The following FKBP15 variants were observed in gnomAD, a reference collection of about 807,000 sequenced individuals.
FKBP15 encodes the protein FK506-binding protein 15.
FKBP15 carries 106 observed loss-of-function variants against 158.1 expected under a neutral mutation model. That is an observed-to-expected ratio of 0.67 (90% CI 0.57 to 0.79). FKBP15 has a LOEUF of 0.79. Among genes scored for constraint, FKBP15 ranks in the 30% least tolerant of loss-of-function variants. The probability of loss-of-function intolerance (pLI) is 0.00; values close to 1 mark genes in which losing one functional copy is unlikely to be tolerated. For synonymous variants in FKBP15, 547 were observed against 548.6 expected, an observed-to-expected ratio of 1.00 and a Z score of 0.04; for missense variants, 1,287 against 1,479.1, an observed-to-expected ratio of 0.87 and a Z score of 2.13.
At chr9:113,197,521 T>C (rs1367671406) in intron 8 of FKBP15, among the ~76,000 whole-genome samples, 1 of 151,980 alleles carries the variant, frequency 6.6e-6, no homozygotes, top group East Asian at 1.9e-4. Flanking sequence ...TACAAAAAAT[T>C]AGCCAGATGT....
chr9:113,170,372 T>A (rs1484468340), intron 25 of FKBP15, 150 bp downstream of exon 25: 1 of 640,070 alleles, frequency 1.6e-6, no homozygotes, highest in Non-Finnish European at 2.8e-6. Context: ...CCTCAAGCAG[T>A]CCTCCCACCT....
chr9:113,177,432 T>C (rs1830319079), intron 20 of FKBP15, among the ~76,000 whole-genome samples: 1 of 152,218 alleles, frequency 6.6e-6, no homozygotes, highest in South Asian at 2.1e-4. Flanking sequence ...TTGAACAACA[T>C]TCAAATCTAA....
chr9:113,169,466 C>T lies in FKBP15; in HGVS notation c.3243G>A (p.Arg1081=). ...GTAGTGGGCCATCTGGTGCTACTTC[C>T]CTGACACAGACCTTTCCTGATGGGT... The part of the protein sequence containing the change: ...PDNPSGKVCV[R]EVAPDGPLQE... Residue 1081 remains arginine (R), a synonymous_variant, in exon 26 of 28, where the codon AGG becomes AGA. Coordinates refer to ENST00000238256, the MANE Select transcript of FKBP15 (RefSeq NM_015258.2). 1 of 1,614,068 alleles carries T rather than the reference C, an allele frequency of 6.2e-7. No individual in the cohort carries two copies. The highest frequency in any genetic ancestry group is 1.1e-5 in the South Asian group (1 of 91,092).
chr9:113,203,942 C>T (rs1355789975), intron 4 of FKBP15, among the ~76,000 whole-genome samples: 1 of 152,158 alleles, frequency 6.6e-6, no homozygotes, highest in Non-Finnish European at 1.5e-5. Flanking sequence ...TGTTCCAGGA[C>T]TTTATTCTCT....
chr9:113,206,676 C>A, intron 3 of FKBP15, 98 bp from the exon 4 acceptor site: 1 of 598,844 alleles, frequency 1.7e-6, no homozygotes, highest in South Asian at 1.9e-5. Context: ...AACAGTCATT[C>A]AGCCTCTAGG....
At chr9:113,218,497 A>G (rs1487297238) in intron 1 of FKBP15, among the ~76,000 whole-genome samples, 1 of 151,500 alleles carries the variant, frequency 6.6e-6, no homozygotes, top group Non-Finnish European at 1.5e-5. Context: ...ATGTCTATGT[A>G]TTTCTTAGAA....
intron 1 of FKBP15, among the ~76,000 whole-genome samples, chr9:113,215,609 T>C (rs1831106161): frequency 9.1e-6 from 1 of 109,412 alleles, no homozygotes; most frequent in Non-Finnish European, 1.8e-5. Context: ...TGTGTGCGTG[T>C]GTGTGTGTGT....
At chr9:113,182,914 T>C in intron 18 of FKBP15, 46 bp from the exon 19 acceptor site, 1 of 1,497,234 alleles carries the variant, frequency 6.7e-7, no homozygotes, top group Non-Finnish European at 9.3e-7. Context: ...AAGCACTGAG[T>C]GTATGGCAGG....
chr9:113,182,947 C>T, intron 18 of FKBP15, 79 bp from the exon 19 acceptor site: 2 of 1,130,268 alleles, frequency 1.8e-6, no homozygotes, highest in South Asian at 2.5e-5. Context: ...CCCATTCTGT[C>T]CTCACAACAT....
At chr9:113,182,915 G>T in intron 18 of FKBP15, 47 bp from the exon 19 acceptor site, 1 of 1,485,770 alleles carries the variant, frequency 6.7e-7, no homozygotes, top group Non-Finnish European at 9.4e-7. Context: ...AGCACTGAGT[G>T]TATGGCAGGC....
intron 2 of FKBP15, among the ~76,000 whole-genome samples, chr9:113,210,734 G>C (rs796402478): frequency 2.6e-5 from 4 of 151,842 alleles, no homozygotes; most frequent in African/African-American, 7.3e-5. Flanking sequence ...CCTCAATCTT[G>C]TTGGGCACTA....
Position 113,169,787 on chromosome 9 carries a change from C to T in FKBP15, c.2922G>A (p.Arg974=), listed in dbSNP as rs1472105118. 3 of 1,593,980 alleles carry T rather than the reference C, an allele frequency of 1.9e-6. No individual in the cohort carries two copies. The highest frequency in any genetic ancestry group is 2.3e-5 in the East Asian group (1 of 44,078). Residue 974 remains arginine, a synonymous_variant, in exon 26 of 28, where the codon AGG becomes AGA. Coordinates refer to ENST00000238256, the MANE Select transcript of FKBP15 (RefSeq NM_015258.2). ...SSGQPQAPLN[R]ERPESPMVPS... The stretch of plus-strand genomic sequence containing the variant: ...GCACCATGGGGGACTCTGGCCTCTC[C>T]CTATTCAGGGGTGCTTGAGGCTGCC...
At position 113,171,746 on chromosome 9, in the gene FKBP15, A is replaced by T. The variant is rs113715230; in HGVS notation, c.2533-40T>A. The stretch of plus-strand genomic sequence containing the variant: ...GACTGTGGCTGTGGCCTCAGGAACC[A>T]GGTGAAGGTCAGAAAACCCAAGGGG... On this transcript the variant is annotated intron_variant, in intron 23 of 27. Transcript: ENST00000238256. The T allele has an allele frequency of 8.4e-6, 9 of 1,070,738 alleles. No individual in the cohort carries two copies. The Admixed American group carries it at 1.3e-4, about 16-fold the overall frequency. The allele number at this position is 1,070,738 out of a possible 1,614,324, so 66.3% of individuals were successfully genotyped here. A position where few individuals can be genotyped will look rare whatever the true frequency, so the allele number is the denominator to read the frequency against.
intron 15 of FKBP15, among the ~76,000 whole-genome samples, chr9:113,185,129 A>G (rs1377003299): frequency 6.6e-6 from 1 of 152,248 alleles, no homozygotes; most frequent in Non-Finnish European, 1.5e-5. Flanking sequence ...TATGCCAAGC[A>G]TTGTACCAGG....
intron 21 of FKBP15, among the ~76,000 whole-genome samples, chr9:113,175,996 T>G (rs1830293375): frequency 6.6e-6 from 1 of 152,214 alleles, no homozygotes; most frequent in African/African-American, 2.4e-5. Context: ...ATCCCATGAT[T>G]CTTACTCATG....
At chr9:113,194,966 T>C (rs966687744) in intron 9 of FKBP15, among the ~76,000 whole-genome samples, 7 of 152,238 alleles carry the variant, frequency 4.6e-5, no homozygotes, top group African/African-American at 1.7e-4. Flanking sequence ...TATTTTTGTA[T>C]ATAATCTTAA....
In FKBP15 at chr9:113,184,398, A is replaced by G; in HGVS notation, c.1610T>C (p.Val537Ala). 6.3e-7 allele frequency: 1 copy of G among 1,594,300 alleles called. No individual in the cohort carries two copies. The highest frequency in any genetic ancestry group is 1.1e-5 in the South Asian group (1 of 88,496). ...ADKMDHLMTK[V>A]EELQKHSAGN... ...AGCACTATGTTTCTGTAACTCTTCA[A>G]CCTACAAAAGGGATACCAGAAAGAC... Residue 537 changes from valine (V) to alanine (A), a missense_variant and splice_region_variant, in exon 17 of 28, where the codon GTT (valine) becomes GCT (alanine). Val to Ala is a moderately conservative substitution (Grantham distance 64). Transcript: ENST00000238256. The surrounding 1 kb of genome is among the most constrained non-coding windows in gnomAD (Gnocchi z 4.5).
chr9:113,218,326 G>A (rs1831182077), intron 1 of FKBP15, among the ~76,000 whole-genome samples: 1 of 147,048 alleles, frequency 6.8e-6, no homozygotes, highest in Non-Finnish European at 1.5e-5. Context: ...TTTCCCATTT[G>A]TAAAACGGAT....
intron 10 of FKBP15, 99 bp from the exon 11 acceptor site, chr9:113,193,648 CAATTT>C (rs2118908676): frequency 2.1e-6 from 2 of 964,186 alleles, no homozygotes; most frequent in East Asian, 5.3e-5. Flanking sequence ...AAATGTGTGC[CAATTT>C]AATGACTGTA....
Sources: gnomAD v4.1 joint callset for allele counts (sites outside exome capture counted in the v4.1 genomes callset) on GRCh38, gnomAD v4.1.1 for gene constraint, Gnocchi (gnomAD v3.1) non-coding constraint, MANE v1.5 for transcripts, NCBI Gene and HGNC (gene_info 2026-07-23, HGNC 2026-07-21) for gene names.